Variants in SYMPK observed in about 807,000 individuals in gnomAD.
SYMPK encodes the protein symplekin.
In SYMPK, 49 loss-of-function variants were observed where a neutral mutation model predicts 136.4. The ratio of observed to expected loss-of-function variants is 0.36; its 90% CI spans 0.29 to 0.46. The LOEUF (loss-of-function observed/expected upper bound fraction) is 0.46. SYMPK is among the 20% of genes least tolerant of loss of function. The probability of loss-of-function intolerance (pLI) is 1.00; values close to 1 mark genes in which losing one functional copy is unlikely to be tolerated. For synonymous variants in SYMPK, 766 were observed against 713.0 expected (o/e 1.07, Z -1.19); for missense variants, 1,365 against 1,690.0 (o/e 0.81, Z 3.37).
intron 10 of SYMPK, 37 bp downstream of exon 10, chr19:45,838,424 C>T (rs1313828968): frequency 6.3e-7 from 1 of 1,591,340 alleles, no homozygotes; most frequent in East Asian, 2.3e-5. Flanking sequence ...ATCCTTCCTT[C>T]CTGCCCAGGG....
chr19:45,860,060 T>C (rs892396286), intron 1 of SYMPK, among the ~76,000 whole-genome samples: 3 of 147,974 alleles, frequency 2.0e-5, no homozygotes, highest in African/African-American at 7.5e-5. Flanking sequence ...AGCCTGGTTG[T>C]AGTGAAGTAT....
At chr19:45,823,921 G>T in intron 18 of SYMPK, 46 bp from the exon 19 acceptor site, 1 of 1,532,966 alleles carries the variant, frequency 6.5e-7, no homozygotes, top group African/African-American at 1.5e-5. Context: ...GAGAGCTTAG[G>T]GGAGGGTCAG....
At chr19:45,834,393 A>C (rs763322963) in intron 11 of SYMPK, among the ~76,000 whole-genome samples, 7 of 151,720 alleles carry the variant, frequency 4.6e-5, no homozygotes, top group Non-Finnish European at 7.4e-5. Flanking sequence ...TGGGAGGCAG[A>C]GGTTGCAGTA....
chr19:45,854,690 G>C (rs1287619085), intron 1 of SYMPK, 183 bp from the exon 2 acceptor site: 1 of 580,262 alleles, frequency 1.7e-6, no homozygotes, highest in Non-Finnish European at 3.1e-6. Flanking sequence ...ATATGTGCAC[G>C]GGGCCTGTAA....
chr19:45,844,141 G>T lies in SYMPK; in HGVS notation c.736C>A (p.Pro246Thr). ...LEQLLKFMVHPAISSINLTTA... is the reference protein window; with the variant it reads ...LEQLLKFMVHTAISSINLTTA... ...GTCAGGTTGATGGAGGAGATGGCAG[G>T]GTGCACCATGAACTTAAGCAGCTGC... The change falls in exon 8 of 27, where the codon CCT becomes ACT. Residue 246 changes from proline to threonine, a missense_variant. Transcript: ENST00000245934. The T allele has an allele frequency of 6.2e-7, 1 of 1,612,258 alleles. No homozygotes were observed. Among genetic ancestry groups the T allele is most frequent in the Non-Finnish European group, 8.5e-7 (1 of 1,179,246 alleles).
Position 45,816,555 on chromosome 19 carries a change from A to G in SYMPK, c.3281T>C (p.Ile1094Thr). Residue 1094 changes from isoleucine (I) to threonine (T), a missense_variant, in exon 25 of 27, where the codon ATC (isoleucine) becomes ACC (threonine). Coordinates refer to ENST00000245934, the MANE Select transcript of SYMPK (RefSeq NM_004819.3). ...PHQQAHIPNS[I>T]MTILEASGKQ... ...GCCGCTGGCCTCCAAGATGGTCATG[A>G]TGGAGTTAGGGATGTGAGCTTGCTG... The G allele has an allele frequency of 6.2e-7, 1 of 1,613,614 alleles. No individual in the cohort carries two copies. The highest frequency in any genetic ancestry group is 8.5e-7 in the Non-Finnish European group (1 of 1,179,920).
intron 22 of SYMPK, 108 bp from the exon 23 acceptor site, chr19:45,818,254 CCT>C: frequency 1.7e-6 from 2 of 1,202,408 alleles, no homozygotes; most frequent in South Asian, 3.4e-5. Context: ...CTTCTAAAGC[CCT>C]GACTTCTAAA....
chr19:45,863,098 T>C lies in SYMPK; in HGVS notation c.-53A>G, dbSNP rs1427771118. On this transcript the variant is annotated 5_prime_UTR_variant, in exon 1 of 27. Coordinates refer to ENST00000245934, the MANE Select transcript of SYMPK (RefSeq NM_004819.3). ...CGTTCCCCTCGCGCCCCCTCAGCAG[T>C]GCCTCTTCCTACACTCCGCCGCCGC... The C allele has an allele frequency of 7.4e-6, 3 of 403,150 alleles. No individual in the cohort carries two copies. Among genetic ancestry groups the C allele is most frequent in the African/African-American group, 2.1e-5 (1 of 48,696 alleles). The allele number at this position is 403,150 out of a possible 1,614,324, so 25.0% of individuals were successfully genotyped here. A position where few individuals can be genotyped will look rare whatever the true frequency, so the allele number is the denominator to read the frequency against.
Position 45,844,017 on chromosome 19 carries a change from G to A in SYMPK, c.847+13C>T. 1 of 1,363,362 alleles carries A rather than the reference G, an allele frequency of 7.3e-7. No individual in the cohort carries two copies. Among genetic ancestry groups the A allele is most frequent in the Non-Finnish European group, 9.8e-7 (1 of 1,017,620 alleles). The allele number at this position is 1,363,362 out of a possible 1,614,324, so 84.5% of individuals were successfully genotyped here. A position where few individuals can be genotyped will look rare whatever the true frequency, so the allele number is the denominator to read the frequency against. ...AAGAGAAGGCAGGGGGAGGGGGGAG[G>A]ACAATGACCTACCATGCAGAGTTTC... is the stretch of plus-strand genomic sequence containing the variant. On this transcript the variant is annotated intron_variant, in intron 8 of 26. Coordinates refer to ENST00000245934, the MANE Select transcript of SYMPK (RefSeq NM_004819.3).
chr19:45,830,528 A>T (rs570418525), intron 12 of SYMPK: 55 of 297,992 alleles, frequency 1.8e-4, no homozygotes, highest in Middle Eastern at 2.2e-3. Context: ...ACTTGTGGGC[A>T]CGAGTGGAGG....
intron 1 of SYMPK, 144 bp from the exon 2 acceptor site, chr19:45,854,651 C>T: frequency 3.0e-6 from 2 of 656,738 alleles, no homozygotes; most frequent in Non-Finnish European, 5.4e-6. Context: ...AAGTCCCTCT[C>T]CCCTCCAGGG....
At chr19:45,822,913 C>G (rs1025349433) in intron 20 of SYMPK, 67 bp from the exon 21 acceptor site, 16 of 1,349,890 alleles carry the variant, frequency 1.2e-5, no homozygotes, top group Non-Finnish European at 1.7e-5. Flanking sequence ...TCTAGACAAG[C>G]CACCCCTTCT....
intron 20 of SYMPK, 60 bp downstream of exon 20, chr19:45,823,311 CT>C: frequency 6.5e-7 from 1 of 1,537,162 alleles, no homozygotes; most frequent in Non-Finnish European, 9.0e-7. Context: ...ACGTGCTGCC[CT>C]GCCCCTCCCA....
At chr19:45,824,795 A>C (rs1237656728) in intron 18 of SYMPK, among the ~76,000 whole-genome samples, 1 of 152,212 alleles carries the variant, frequency 6.6e-6, no homozygotes, top group East Asian at 1.9e-4. Context: ...CCCGTTAGCA[A>C]CACTGGGAAG....
intron 5 of SYMPK, among the ~76,000 whole-genome samples, chr19:45,851,406 A>G (rs1971693884): frequency 6.6e-6 from 1 of 150,482 alleles, no homozygotes; most frequent in Non-Finnish European, 1.5e-5. Flanking sequence ...CAGAAACCCC[A>G]TCTCTACTAA....
At chr19:45,837,294 A>C (rs1200413965) in intron 10 of SYMPK, among the ~76,000 whole-genome samples, 3 of 152,208 alleles carry the variant, frequency 2.0e-5, no homozygotes, top group Non-Finnish European at 4.4e-5. Context: ...GGCAAAACTG[A>C]AAAGGTCAAT....
chr19:45,822,666 TCTCC>T (rs1970935627), intron 21 of SYMPK, 86 bp downstream of exon 21: 2 of 1,072,524 alleles, frequency 1.9e-6, no homozygotes, highest in Admixed American at 3.7e-5. Flanking sequence ...ATGTGCCCTC[TCTCC>T]CTGAGGGGGG....
intron 1 of SYMPK, among the ~76,000 whole-genome samples, chr19:45,858,556 C>A (rs529708587): frequency 1.3e-5 from 2 of 152,194 alleles, no homozygotes; most frequent in East Asian, 3.9e-4. Context: ...CCTCTTATTG[C>A]CCAGGCTGGA....
intron 5 of SYMPK, among the ~76,000 whole-genome samples, chr19:45,851,438 A>G (rs1203968246): frequency 6.6e-6 from 1 of 151,836 alleles, no homozygotes; most frequent in East Asian, 1.9e-4. Flanking sequence ...TTAGCCAGGC[A>G]TGGTGGCACG....
Sources: gnomAD v4.1 joint callset for allele counts (sites outside exome capture counted in the v4.1 genomes callset) on GRCh38, gnomAD v4.1.1 for gene constraint, MANE v1.5 for transcripts, NCBI Gene and HGNC (gene_info 2026-07-23, HGNC 2026-07-21) for gene names.